Variants in SOX5 observed in about 807,000 individuals in gnomAD.
SOX5 encodes transcription factor SOX-5.
SOX5 carries 9 observed loss-of-function variants against 92.0 expected under a neutral mutation model. The observed-to-expected ratio is 0.10, with a 90% CI of 0.06 to 0.17. The LOEUF (loss-of-function observed/expected upper bound fraction) is 0.17, where lower values mean the gene tolerates loss of function less well. Among genes scored for constraint, SOX5 ranks in the 10% least tolerant of loss-of-function variants. The pLI is 1.00. For missense variants in SOX5, 642 were observed against 944.5 expected (o/e 0.68, Z 4.20); for synonymous variants, 344 against 336.3 (o/e 1.02, Z -0.25).
At chr12:24,155,662 A>G (rs1339946149) in intron 4 of SOX5, among the ~76,000 whole-genome samples, 2 of 152,182 alleles carry the variant, frequency 1.3e-5, no homozygotes, top group African/African-American at 4.8e-5. Flanking sequence ...GTTTTAGGTT[A>G]ACAATTAGCT....
intron 6 of SOX5, among the ~76,000 whole-genome samples, chr12:23,730,589 G>A (rs1400492871): frequency 3.9e-5 from 6 of 152,262 alleles, no homozygotes; most frequent in Non-Finnish European, 8.8e-5. Context: ...ACCCTACAAA[G>A]TCTTTATAAG....
At position 23,767,870 on chromosome 12, in the gene SOX5, G is replaced by C. The variant is rs116158461; in HGVS notation, c.482-12146C>G. ...TAAATGATAAAGATACAGATCTGTA[G>C]ATTTATATCACCTAAATCTTTCTCT... On this transcript the variant is annotated intron_variant, in intron 3 of 14. Transcript: ENST00000451604. Among the ~76,000 whole-genome samples the C allele has an allele frequency of 7.9e-3, 1,194 of 151,630 alleles. 25 individuals carry two copies. Among genetic ancestry groups the C allele is most frequent in the African/African-American group, 0.028 (1,154 of 41,332 alleles).
intron 8 of SOX5, among the ~76,000 whole-genome samples, chr12:23,611,369 C>CGTGT (rs3030241): frequency 0.012 from 1,586 of 137,082 alleles, 28 homozygotes; most frequent in African/African-American, 0.038. Flanking sequence ...TGTGTGTGTG[C>CGTGT]GTGTGTGTGT....
chr12:24,342,514 C>G (rs955012965), intron 2 of SOX5, among the ~76,000 whole-genome samples: 2 of 152,144 alleles, frequency 1.3e-5, no homozygotes, highest in African/African-American at 4.8e-5. Flanking sequence ...TCCTAGTAAC[C>G]AAAGTCTGAA....
intron 12 of SOX5, among the ~76,000 whole-genome samples, chr12:23,544,001 C>G (rs1349062144): frequency 6.6e-6 from 1 of 152,122 alleles, no homozygotes; most frequent in Non-Finnish European, 1.5e-5. Context: ...CAGGTCTGCC[C>G]CCCAAAATAT....
chr12:24,390,767 G>A (rs979277284), intron 1 of SOX5, among the ~76,000 whole-genome samples: 4 of 152,114 alleles, frequency 2.6e-5, no homozygotes, highest in Non-Finnish European at 4.4e-5. Context: ...TTTGAGGGCT[G>A]AGTAGTATTC....
intron 4 of SOX5, among the ~76,000 whole-genome samples, chr12:24,086,070 C>T (rs911014273): frequency 3.9e-5 from 6 of 151,942 alleles, no homozygotes; most frequent in Middle Eastern, 3.4e-3. Flanking sequence ...TTTTCTTTTG[C>T]GTGGTTAAGA....
chr12:23,709,785 A>C (rs1342754143), intron 6 of SOX5, among the ~76,000 whole-genome samples: 1 of 152,198 alleles, frequency 6.6e-6, no homozygotes, highest in Non-Finnish European at 1.5e-5. Flanking sequence ...CAGGATAGGA[A>C]ATGTTAAATC....
intron 1 of SOX5, among the ~76,000 whole-genome samples, chr12:24,430,849 C>A (rs1037074748): frequency 6.6e-6 from 1 of 152,118 alleles, no homozygotes; most frequent in Non-Finnish European, 1.5e-5. Flanking sequence ...GACGGTTCTG[C>A]CACCAATTTA....
chr12:23,976,479 T>C (rs900599686), intron 4 of SOX5, among the ~76,000 whole-genome samples: 4 of 148,622 alleles, frequency 2.7e-5, no homozygotes, highest in Non-Finnish European at 4.4e-5. Context: ...TAAAGACTAG[T>C]AGAGCCCAAG....
At chr12:23,923,432 C>T (rs1939046833) in intron 1 of SOX5, among the ~76,000 whole-genome samples, 1 of 152,182 alleles carries the variant, frequency 6.6e-6, no homozygotes, top group Non-Finnish European at 1.5e-5. Context: ...AGACAAACAG[C>T]TAGATAAATA....
At chr12:24,417,163 G>A (rs1465865935) in intron 1 of SOX5, among the ~76,000 whole-genome samples, 1 of 152,118 alleles carries the variant, frequency 6.6e-6, no homozygotes, top group African/African-American at 2.4e-5. Context: ...GATCAAGCCA[G>A]GTAAGAACGC....
At chr12:23,930,291 T>A (rs1214436609) in intron 1 of SOX5, among the ~76,000 whole-genome samples, 1 of 151,860 alleles carries the variant, frequency 6.6e-6, no homozygotes, top group African/African-American at 2.4e-5. Context: ...GCAATTTGGC[T>A]AGGTTATTTT....
At chr12:23,614,776 C>T (rs535498332) in intron 8 of SOX5, among the ~76,000 whole-genome samples, 34 of 152,176 alleles carry the variant, frequency 2.2e-4, no homozygotes, top group African/African-American at 7.2e-4. Context: ...TCCATAGCAA[C>T]GTATGAAGAT....
intron 3 of SOX5, among the ~76,000 whole-genome samples, chr12:23,820,246 A>G (rs1276792675): frequency 2.0e-5 from 3 of 152,130 alleles, no homozygotes; most frequent in Non-Finnish European, 4.4e-5. Flanking sequence ...GTGTCTGTTC[A>G]TATCCTTTGC....
chr12:23,805,927 A>G (rs577135349), intron 3 of SOX5, among the ~76,000 whole-genome samples: 2 of 152,286 alleles, frequency 1.3e-5, no homozygotes, highest in Non-Finnish European at 2.9e-5. Flanking sequence ...GTATTTGTTC[A>G]TTACTCTTCT....
intron 1 of SOX5, among the ~76,000 whole-genome samples, chr12:24,373,469 T>C (rs1489356952): frequency 2.0e-5 from 3 of 152,212 alleles, no homozygotes; most frequent in Non-Finnish European, 4.4e-5. Context: ...AGAAATTTAG[T>C]TTCCTTTTCT....
At chr12:24,136,157 A>G (rs1950086643) in intron 4 of SOX5, among the ~76,000 whole-genome samples, 1 of 152,250 alleles carries the variant, frequency 6.6e-6, no homozygotes, top group African/African-American at 2.4e-5. Context: ...GCTCCAGAAA[A>G]TGATGACAGA....
chr12:24,321,008 TAG>T (rs1463807217), intron 2 of SOX5, among the ~76,000 whole-genome samples: 3 of 152,198 alleles, frequency 2.0e-5, no homozygotes, highest in Non-Finnish European at 4.4e-5. Context: ...GTAGCATCTG[TAG>T]GTTGTGAGCT....
Sources: gnomAD v4.1 joint callset for allele counts (sites outside exome capture counted in the v4.1 genomes callset) on GRCh38, gnomAD v4.1.1 for gene constraint, MANE v1.5 for transcripts, NCBI Gene and HGNC (gene_info 2026-07-23, HGNC 2026-07-21) for gene names.